Variants in TCF12 observed in about 807,000 individuals in gnomAD.
The protein encoded by TCF12 is transcription factor 12.
A neutral mutation model predicts 86.0 loss-of-function variants in TCF12; 45 were observed. That is an observed-to-expected ratio of 0.52 (90% confidence interval 0.41 to 0.67). TCF12 has a LOEUF of 0.67. Among genes scored for constraint, TCF12 ranks in the 30% least tolerant of loss-of-function variants. The probability of loss-of-function intolerance (pLI) is 0.00; values close to 1 mark genes in which losing one functional copy is unlikely to be tolerated. For synonymous variants in TCF12, 330 were observed against 299.6 expected (o/e 1.10, Z -1.05); for missense variants, 881 against 859.9 (o/e 1.02, Z -0.31).
Position 57,279,398 on chromosome 15 carries a change from A to G in TCF12, c.1979-3047A>G, listed in dbSNP as rs546187895. On this transcript the variant is annotated intron_variant, in intron 19 of 20. Coordinates refer to ENST00000333725, the MANE Select transcript of TCF12 (RefSeq NM_207037.2). Reference sequence around the variant, plus strand: ...AGAAGTCAATAGATAGAATTCCCCTAATTGAAATATGGGAAGACATACTTC... The same window carrying G: ...AGAAGTCAATAGATAGAATTCCCCTGATTGAAATATGGGAAGACATACTTC... Among the ~76,000 whole-genome samples the G allele has an allele frequency of 2.6e-5, 4 of 152,318 alleles. No individual in the cohort carries two copies. In the East Asian group the frequency reaches 7.7e-4, roughly 29 times the overall value.
Position 57,233,487 on chromosome 15 carries a change from A to C in TCF12, c.971-556A>C, listed in dbSNP as rs539219004. Among the ~76,000 whole-genome samples, 3 of 151,420 alleles carry C rather than the reference A, an allele frequency of 2.0e-5. No individual in the cohort carries two copies. The East Asian group carries it at 5.8e-4, about 29-fold the overall frequency. ...CCCAGCACACGTGGCCTCTTTTTTT[A>C]TTTTTATTCATTTATGTATTTATTT... On this transcript the variant is annotated intron_variant, in intron 11 of 20. Transcript: ENST00000333725.
At chr15:57,206,400 A>G (rs932502496) in intron 8 of TCF12, among the ~76,000 whole-genome samples, 2 of 152,020 alleles carry the variant, frequency 1.3e-5, no homozygotes, top group African/African-American at 2.4e-5. Flanking sequence ...ACTTTATAAA[A>G]CTTTATTTAT....
intron 3 of TCF12, among the ~76,000 whole-genome samples, chr15:57,050,101 T>C (rs2141560614): frequency 6.6e-6 from 1 of 152,328 alleles, no homozygotes; most frequent in East Asian, 1.9e-4. Context: ...TTGAAAAGTA[T>C]TATTCTGTAT....
intron 3 of TCF12, among the ~76,000 whole-genome samples, chr15:56,960,658 G>A (rs930746885): frequency 2.6e-5 from 4 of 151,248 alleles, no homozygotes; most frequent in African/African-American, 9.7e-5. Context: ...TCAAACTCCT[G>A]ACCTCAGGTG....
chr15:56,996,866 TA>T (rs567042497), intron 3 of TCF12, among the ~76,000 whole-genome samples: 1 of 152,016 alleles, frequency 6.6e-6, no homozygotes, highest in Non-Finnish European at 1.5e-5. Flanking sequence ...ACAAACATAT[TA>T]AAAAATGCTC....
At chr15:57,077,379 A>ATTTT (rs1212052276) in intron 4 of TCF12, among the ~76,000 whole-genome samples, 9 of 48,676 alleles carry the variant, frequency 1.8e-4, no homozygotes, top group African/African-American at 6.9e-4. Flanking sequence ...GTGTGTATAT[A>ATTTT]TATTTTTTTT....
intron 1 of TCF12, chr15:56,919,367 C>T (rs2059657075): frequency 6.6e-6 from 1 of 152,364 alleles, no homozygotes; most frequent in African/African-American, 2.4e-5. Flanking sequence ...TTTCCGACCT[C>T]CTGGGCCCGC....
chr15:57,018,888 T>C (rs1193741995), intron 3 of TCF12, among the ~76,000 whole-genome samples: 1 of 152,224 alleles, frequency 6.6e-6, no homozygotes, highest in Non-Finnish European at 1.5e-5. Context: ...ACTGGTTCTT[T>C]TTAGAGTAAG....
chr15:57,127,777 C>G (rs907778880), intron 5 of TCF12, among the ~76,000 whole-genome samples: 1 of 152,092 alleles, frequency 6.6e-6, no homozygotes, highest in Admixed American at 6.5e-5. Context: ...TTATTCTTCA[C>G]TATTACGTCG....
chr15:56,950,160 C>G (rs1461624472), intron 3 of TCF12, among the ~76,000 whole-genome samples: 8 of 152,120 alleles, frequency 5.3e-5, no homozygotes, highest in Non-Finnish European at 1.0e-4. Flanking sequence ...ATCCCTACTC[C>G]CACATAACTA....
intron 3 of TCF12, among the ~76,000 whole-genome samples, chr15:57,028,745 A>G (rs1360374250): frequency 2.6e-5 from 4 of 152,110 alleles, no homozygotes; most frequent in African/African-American, 9.7e-5. Flanking sequence ...CAAAATTGTG[A>G]AGAATTTTTC....
At chr15:57,060,924 A>G (rs1188129924) in intron 3 of TCF12, among the ~76,000 whole-genome samples, 5 of 152,188 alleles carry the variant, frequency 3.3e-5, no homozygotes, top group African/African-American at 1.2e-4. Flanking sequence ...CATTGATTCT[A>G]AAAGATGACT....
chr15:57,168,903 G>A (rs918299944), intron 6 of TCF12, among the ~76,000 whole-genome samples: 6 of 151,988 alleles, frequency 3.9e-5, no homozygotes, highest in South Asian at 2.1e-4. Flanking sequence ...AAAATTAGCC[G>A]GGCGTGGTGG....
intron 4 of TCF12, among the ~76,000 whole-genome samples, chr15:57,089,627 T>A (rs1344633354): frequency 6.6e-6 from 1 of 152,066 alleles, no homozygotes; most frequent in Admixed American, 6.5e-5. Context: ...TACTTTTTGT[T>A]GTTCAAGAAT....
intron 8 of TCF12, among the ~76,000 whole-genome samples, chr15:57,208,859 G>C (rs1221931506): frequency 7.9e-5 from 12 of 151,828 alleles, no homozygotes; most frequent in African/African-American, 2.9e-4. Context: ...GGGACTACAG[G>C]CACATGCCAC....
chr15:57,283,943 TTCGTAAGTCAGTTATA>T (rs572060910), intron 20 of TCF12, among the ~76,000 whole-genome samples: 1 of 152,222 alleles, frequency 6.6e-6, no homozygotes, highest in South Asian at 2.1e-4. Context: ...AGGCAGTTAT[TTCGTAAGTCAGTTATA>T]ACTGTAACAT....
intron 8 of TCF12, among the ~76,000 whole-genome samples, chr15:57,204,597 G>T (rs145764050): frequency 6.6e-6 from 1 of 152,260 alleles, no homozygotes; most frequent in East Asian, 1.9e-4. Flanking sequence ...ATTTGAAATT[G>T]TAGGGATACC....
intron 3 of TCF12, among the ~76,000 whole-genome samples, chr15:56,968,673 C>T (rs2062131416): frequency 6.6e-6 from 1 of 152,194 alleles, no homozygotes; most frequent in South Asian, 2.1e-4. Context: ...GACTTTCATT[C>T]GTGAACCCCA....
At chr15:56,953,775 T>C (rs2061381036) in intron 3 of TCF12, among the ~76,000 whole-genome samples, 2 of 152,102 alleles carry the variant, frequency 1.3e-5, no homozygotes, top group South Asian at 4.1e-4. Context: ...ACTGCTCTTA[T>C]TCCTGAAATG....
Sources: gnomAD v4.1 joint callset for allele counts (sites outside exome capture counted in the v4.1 genomes callset) on GRCh38, gnomAD v4.1.1 for gene constraint, MANE v1.5 for transcripts, NCBI Gene and HGNC (gene_info 2026-07-23, HGNC 2026-07-21) for gene names.